TTLL5: variants seen among roughly 807,000 people sequenced by gnomAD.
The protein encoded by TTLL5 is tubulin polyglutamylase TTLL5.
A neutral mutation model predicts 168.4 loss-of-function variants in TTLL5; 132 were observed. The observed-to-expected ratio is 0.78, with a 90% CI of 0.68 to 0.91. The LOEUF is 0.91. Among genes scored for constraint, TTLL5 ranks in the 40% least tolerant of loss-of-function variants. The pLI is 0.00. For synonymous variants in TTLL5, 546 were observed against 558.6 expected (o/e 0.98, Z 0.32); for missense variants, 1,545 against 1,581.5 (o/e 0.98, Z 0.39).
chr14:75,944,873 C>T (rs1242667646), intron 31 of TTLL5, among the ~76,000 whole-genome samples: 1 of 152,044 alleles, frequency 6.6e-6, no homozygotes, highest in Non-Finnish European at 1.5e-5. Flanking sequence ...GGCAAAATGG[C>T]GGCCTTTAAC....
intron 18 of TTLL5, among the ~76,000 whole-genome samples, chr14:75,760,439 A>G (rs1372494181): frequency 6.6e-6 from 1 of 152,078 alleles, no homozygotes; most frequent in East Asian, 1.9e-4. Context: ...GATCCAGTGC[A>G]ATTTCAATCA....
intron 31 of TTLL5, among the ~76,000 whole-genome samples, chr14:75,924,901 T>G (rs1326036990): frequency 6.9e-6 from 1 of 144,338 alleles, no homozygotes; most frequent in East Asian, 2.1e-4. Flanking sequence ...GGGCGGCTGG[T>G]CGGGCGGGGG....
intron 28 of TTLL5, among the ~76,000 whole-genome samples, chr14:75,834,524 C>A (rs1352200841): frequency 1.3e-5 from 2 of 152,086 alleles, no homozygotes; most frequent in African/African-American, 2.4e-5. Flanking sequence ...ACACTTTTTA[C>A]CATTGTGGAT....
chr14:75,890,112 A>C (rs1419658501), intron 30 of TTLL5, among the ~76,000 whole-genome samples: 1 of 152,202 alleles, frequency 6.6e-6, no homozygotes, highest in Non-Finnish European at 1.5e-5. Context: ...GGAAAGACCC[A>C]TGAGGACTTC....
At chr14:75,903,814 G>C (rs113420224) in intron 31 of TTLL5, among the ~76,000 whole-genome samples, 2 of 151,324 alleles carry the variant, frequency 1.3e-5, no homozygotes, top group African/African-American at 4.9e-5. Flanking sequence ...AGGATCACTT[G>C]AGCCCAGGAA....
At chr14:75,682,512 A>G (rs1461387418) in intron 4 of TTLL5, among the ~76,000 whole-genome samples, 1 of 152,136 alleles carries the variant, frequency 6.6e-6, no homozygotes, top group African/African-American at 2.4e-5. Context: ...CATTCTGGAG[A>G]TAGAATGATT....
intron 30 of TTLL5, chr14:75,886,658 CTTGA>C: frequency 6.3e-7 from 1 of 1,589,776 alleles, no homozygotes; most frequent in Non-Finnish European, 8.5e-7. Flanking sequence ...AATAATCTTT[CTTGA>C]TTTTCTTCTC....
chr14:75,866,182 C>T (rs1413241073), intron 29 of TTLL5, among the ~76,000 whole-genome samples: 3 of 152,208 alleles, frequency 2.0e-5, no homozygotes, highest in Admixed American at 2.0e-4. Flanking sequence ...AATCATTCCA[C>T]AGTGGAAGCA....
intron 18 of TTLL5, among the ~76,000 whole-genome samples, chr14:75,762,508 G>T (rs1275809544): frequency 6.6e-6 from 1 of 152,112 alleles, no homozygotes; most frequent in South Asian, 2.1e-4. Flanking sequence ...AATATTTATG[G>T]CAAGTCAGCT....
intron 28 of TTLL5, among the ~76,000 whole-genome samples, chr14:75,837,647 A>G (rs972674465): frequency 2.6e-5 from 4 of 152,064 alleles, no homozygotes; most frequent in African/African-American, 4.8e-5. Context: ...TTTTCTATCT[A>G]TATGATTTTG....
Position 75,755,110 on chromosome 14 carries a change from C to A in TTLL5, c.1550+2155C>A, listed in dbSNP as rs1345480019. ...AGAAACCCCATCTCTACTAAAAATACAAAATTAGCCAGGCTTGGTGGCGCA... is the reference window on the plus strand; with the variant it reads ...AGAAACCCCATCTCTACTAAAAATAAAAAATTAGCCAGGCTTGGTGGCGCA... On this transcript the variant is annotated intron_variant, in intron 18 of 31. Transcript: ENST00000298832. 2.0e-5 allele frequency among the ~76,000 whole-genome samples: 3 copies of A among 151,912 alleles called. No homozygotes were observed. In the East Asian group the frequency reaches 5.8e-4, roughly 29 times the overall value.
intron 1 of TTLL5, among the ~76,000 whole-genome samples, chr14:75,662,420 G>A (rs1335969500): frequency 2.0e-5 from 3 of 151,276 alleles, no homozygotes; most frequent in African/African-American, 4.9e-5. Context: ...CGCCTCCCGG[G>A]TTCAAGCGAT....
intron 13 of TTLL5, among the ~76,000 whole-genome samples, chr14:75,733,591 TGCA>T (rs1888689236): frequency 6.6e-6 from 1 of 152,160 alleles, no homozygotes; most frequent in Non-Finnish European, 1.5e-5. Context: ...ACTTGACTGT[TGCA>T]GCAGCAAAAA....
At chr14:75,732,476 T>C (rs1594941213) in intron 13 of TTLL5, 57 bp downstream of exon 13, 11 of 123,132 alleles carry the variant, frequency 8.9e-5, no homozygotes, top group Non-Finnish European at 2.0e-4. Flanking sequence ...CTTAAAGCAC[T>C]TTTTTTTTTT....
chr14:75,802,414 C>T (rs1188798769), intron 27 of TTLL5, among the ~76,000 whole-genome samples: 1 of 152,296 alleles, frequency 6.6e-6, no homozygotes, highest in South Asian at 2.1e-4. Flanking sequence ...TTCTACTAAG[C>T]AAGCAAAGTT....
intron 3 of TTLL5, among the ~76,000 whole-genome samples, chr14:75,670,912 C>T (rs977488731): frequency 6.6e-6 from 1 of 152,018 alleles, no homozygotes; most frequent in African/African-American, 2.4e-5. Context: ...TTGATGACAT[C>T]CAGTTTATCT....
chr14:75,827,325 G>A (rs986636213), intron 28 of TTLL5, among the ~76,000 whole-genome samples: 1 of 152,070 alleles, frequency 6.6e-6, no homozygotes, highest in Non-Finnish European at 1.5e-5. Flanking sequence ...ACAATACTAA[G>A]GTTGACATTA....
intron 28 of TTLL5, among the ~76,000 whole-genome samples, chr14:75,827,810 C>T (rs911477454): frequency 6.9e-6 from 1 of 145,114 alleles, no homozygotes; most frequent in African/African-American, 2.5e-5. Context: ...GCCTCTGCCT[C>T]CTCAGGCTCA....
At chr14:75,897,684 C>G (rs910590838) in intron 30 of TTLL5, among the ~76,000 whole-genome samples, 1 of 152,036 alleles carries the variant, frequency 6.6e-6, no homozygotes, top group East Asian at 1.9e-4. Flanking sequence ...CCATGTTGGC[C>G]AGGCTGGTCT....
Sources: allele counts gnomAD v4.1 joint callset (sites outside exome capture counted in the v4.1 genomes callset), GRCh38; gene constraint gnomAD v4.1.1; transcripts MANE v1.5; gene names NCBI Gene and HGNC (gene_info 2026-07-23, HGNC 2026-07-21).